The following TECPR2 variants were observed in gnomAD, a reference collection of about 807,000 sequenced individuals.
TECPR2 encodes tectonin beta-propeller repeat containing 2.
Under a neutral mutation model 138.1 loss-of-function variants are expected in TECPR2, and 65 were observed. The ratio of observed to expected loss-of-function variants is 0.47; its 90% CI spans 0.39 to 0.58. The LOEUF (loss-of-function observed/expected upper bound fraction) is 0.58, where lower values mean the gene tolerates loss of function less well. Ranked by LOEUF, TECPR2 falls within the 20% of genes least tolerant of loss-of-function variation. The probability of loss-of-function intolerance (pLI) is 0.00; values close to 1 mark genes in which losing one functional copy is unlikely to be tolerated. For synonymous variants in TECPR2, 746 were observed against 749.8 expected (o/e 0.99, Z 0.08); for missense variants, 1,553 against 1,824.5 (o/e 0.85, Z 2.71).
At chr14:102,407,593 C>T (rs902415812) in intron 3 of TECPR2, 127 bp downstream of exon 3, 15 of 1,272,146 alleles carry the variant, frequency 1.2e-5, no homozygotes, top group Admixed American at 2.6e-5. Context: ...TTTCTCTGCC[C>T]AGGCTCATGC....
chr14:102,432,721 C>T (rs565764832), intron 8 of TECPR2, among the ~76,000 whole-genome samples: 4 of 148,320 alleles, frequency 2.7e-5, no homozygotes, highest in African/African-American at 7.4e-5. Context: ...ATTAAAATGT[C>T]GGGGCCGGGC....
In TECPR2 at chr14:102,419,518, A is replaced by T. The variant is rs1418548227; in HGVS notation, c.638+4725A>T. 6.6e-6 allele frequency among the ~76,000 whole-genome samples: 1 copy of T among 152,024 alleles called. No homozygotes were observed. The highest frequency in any genetic ancestry group is 1.9e-4 in the East Asian group (1 of 5,172). ...GGGACAGAGTGCAGGCGGTGGCCTC[A>T]GTTGGGCCCTCTCATGGGCAGCAGT... On this transcript the variant is annotated intron_variant, in intron 5 of 19. Coordinates refer to ENST00000359520, the MANE Select transcript of TECPR2 (RefSeq NM_014844.5). This position sits in a 1 kb window ranked among gnomAD's most constrained non-coding sequence, Gnocchi z 4.8.
chr14:102,397,312 A>G (rs2139681392), intron 2 of TECPR2, among the ~76,000 whole-genome samples: 1 of 152,384 alleles, frequency 6.6e-6, no homozygotes, highest in South Asian at 2.1e-4. Context: ...GTTTTCAACA[A>G]AACAAATCAC....
intron 7 of TECPR2, among the ~76,000 whole-genome samples, chr14:102,430,354 G>A (rs1394629121): frequency 6.6e-6 from 1 of 152,184 alleles, no homozygotes; most frequent in Non-Finnish European, 1.5e-5. Context: ...GGGAGCTCTA[G>A]GCAAGATCTG....
At chr14:102,387,631 A>G (rs1888046113) in intron 2 of TECPR2, among the ~76,000 whole-genome samples, 1 of 150,898 alleles carries the variant, frequency 6.6e-6, no homozygotes, top group Middle Eastern at 3.4e-3. Context: ...GTTTCACATC[A>G]TTCTCCTGCC....
chr14:102,429,536 C>T (rs1000235683), intron 7 of TECPR2, among the ~76,000 whole-genome samples: 4 of 152,232 alleles, frequency 2.6e-5, no homozygotes, highest in Admixed American at 1.3e-4. Flanking sequence ...CTCTTGCGGA[C>T]ATCCACATGC....
In TECPR2 at chr14:102,461,321, A is replaced by G. The variant is rs1241253190; in HGVS notation, c.3641-3820A>G. On this transcript the variant is annotated intron_variant, in intron 16 of 19. Coordinates refer to ENST00000359520, the MANE Select transcript of TECPR2 (RefSeq NM_014844.5). ...TTAATTTATCAGGTCACAGCATTTA[A>G]TGAAGAACTATTCAGTGTCAGTTTA... Among the ~76,000 whole-genome samples the G allele has an allele frequency of 2.6e-5, 4 of 152,364 alleles. No individual in the cohort carries two copies. In the South Asian group the frequency reaches 8.3e-4, roughly 32 times the overall value.
intron 16 of TECPR2, among the ~76,000 whole-genome samples, chr14:102,458,711 G>A (rs752286349): frequency 6.6e-6 from 1 of 151,900 alleles, no homozygotes; most frequent in Non-Finnish European, 1.5e-5. Flanking sequence ...TTCCTTCCGT[G>A]GGCTGCTTTC....
intron 13 of TECPR2, among the ~76,000 whole-genome samples, chr14:102,448,477 T>C (rs1890048080): frequency 6.6e-6 from 1 of 152,202 alleles, no homozygotes; most frequent in Non-Finnish European, 1.5e-5. Context: ...CAAGCTACCC[T>C]TCTGAGCTAG....
At chr14:102,436,598 G>A (rs1889677662) in intron 9 of TECPR2, among the ~76,000 whole-genome samples, 1 of 152,224 alleles carries the variant, frequency 6.6e-6, no homozygotes, top group Non-Finnish European at 1.5e-5. Flanking sequence ...GGGATTACAG[G>A]TGTGAGCTGC....
At chr14:102,452,313 G>T in intron 15 of TECPR2, 81 bp from the exon 16 acceptor site, 1 of 1,431,402 alleles carries the variant, frequency 7.0e-7, no homozygotes. Context: ...TCTGCTGAAA[G>T]GCAAAGGCTG....
chr14:102,438,863 C>CTT (rs1238082552), intron 10 of TECPR2, among the ~76,000 whole-genome samples: 12 of 128,646 alleles, frequency 9.3e-5, no homozygotes, highest in South Asian at 2.5e-4. Flanking sequence ...TTCTTTCTTT[C>CTT]TTTTTTTTTT....
rs887494180 is a variant in TECPR2, at chr14:102,453,322, A to C, written c.3640+695A>C. Among the ~76,000 whole-genome samples the C allele has an allele frequency of 1.5e-4, 22 of 151,484 alleles. 1 individual carries two copies. The highest frequency in any genetic ancestry group is 4.8e-4 in the African/African-American group (20 of 41,292). On this transcript the variant is annotated intron_variant, in intron 16 of 19. Transcript: ENST00000359520. ...GACACCCTGTCTCTACTAAAAATAC[A>C]AAAAAAAATTAGGTGGGCGTGGCAG...
intron 5 of TECPR2, among the ~76,000 whole-genome samples, chr14:102,424,756 G>A (rs1216662944): frequency 6.6e-6 from 1 of 152,226 alleles, no homozygotes; most frequent in Non-Finnish European, 1.5e-5. Flanking sequence ...ATGGTTCCCT[G>A]TGTGCTAATG....
intron 17 of TECPR2, among the ~76,000 whole-genome samples, chr14:102,470,264 G>A (rs548486201): frequency 1.8e-3 from 274 of 151,062 alleles, no homozygotes; most frequent in African/African-American, 6.2e-3. Flanking sequence ...AAGTTTTTTT[G>A]ACTACTGGTT....
At chr14:102,394,645 G>C (rs1888267689) in intron 2 of TECPR2, among the ~76,000 whole-genome samples, 1 of 152,092 alleles carries the variant, frequency 6.6e-6, no homozygotes, top group Admixed American at 6.6e-5. Context: ...CTGGAGCTCA[G>C]TCCCATATTT....
intron 17 of TECPR2, among the ~76,000 whole-genome samples, chr14:102,472,877 T>C (rs565771809): frequency 8.6e-4 from 131 of 152,330 alleles, no homozygotes; most frequent in African/African-American, 3.1e-3. Flanking sequence ...GAGGCTCCCC[T>C]GGGCTGAGGA....
chr14:102,431,631 C>A (rs111755643), intron 7 of TECPR2, among the ~76,000 whole-genome samples, 165 bp from the exon 8 acceptor site: 1 of 152,162 alleles, frequency 6.6e-6, no homozygotes, highest in Non-Finnish European at 1.5e-5. Flanking sequence ...CGTGAGTCAC[C>A]GTGCCCATCC....
At position 102,373,187 on chromosome 14, in the gene TECPR2, TG is replaced by T. The variant is rs1175586239; in HGVS notation, c.-72-3462del. The stretch of plus-strand genomic sequence containing the variant: ...GTAACTATGATGCCTACTTCATGTT[TG>T]TTTTTTTTTTCTTTCTTTTTGGTGA... On this transcript the variant is annotated intron_variant, in intron 1 of 19. Transcript: ENST00000359520. Among the ~76,000 whole-genome samples the T allele has an allele frequency of 3.4e-3, 510 of 151,352 alleles. 5 individuals carry two copies. The highest frequency in any genetic ancestry group is 0.012 in the African/African-American group (482 of 41,188).
Sources: gnomAD v4.1 joint callset for allele counts (sites outside exome capture counted in the v4.1 genomes callset) on GRCh38, gnomAD v4.1.1 for gene constraint, Gnocchi (gnomAD v3.1) non-coding constraint, MANE v1.5 for transcripts, NCBI Gene and HGNC (gene_info 2026-07-23, HGNC 2026-07-21) for gene names.